The following TAOK3 variants were observed in gnomAD, a reference collection of about 807,000 sequenced individuals.
The protein encoded by TAOK3 is serine/threonine-protein kinase TAO3.
In TAOK3, 40 loss-of-function variants were observed where a neutral mutation model predicts 120.4. That is an observed-to-expected ratio of 0.33 (90% CI 0.26 to 0.43). TAOK3 has a LOEUF of 0.43. TAOK3 is among the 20% of genes least tolerant of loss of function. The pLI is 1.00. For missense variants in TAOK3, 821 were observed against 1,112.1 expected (o/e 0.74, Z 3.72); for synonymous variants, 355 against 387.5 (o/e 0.92, Z 0.99).
At chr12:118,164,275 C>A (rs1276105077) in intron 17 of TAOK3, among the ~76,000 whole-genome samples, 1 of 150,524 alleles carries the variant, frequency 6.6e-6, no homozygotes, top group Non-Finnish European at 1.5e-5. Context: ...TGCAGGGAGC[C>A]AAGATCGCGC....
intron 19 of TAOK3, among the ~76,000 whole-genome samples, chr12:118,157,256 C>T (rs1260137826): frequency 6.6e-6 from 1 of 152,158 alleles, no homozygotes; most frequent in African/African-American, 2.4e-5. Flanking sequence ...TCCATTCTTC[C>T]CATCTCCCAG....
chr12:118,309,500 C>T (rs567031912), intron 1 of TAOK3, among the ~76,000 whole-genome samples: 30 of 151,834 alleles, frequency 2.0e-4, no homozygotes, highest in African/African-American at 7.0e-4. Flanking sequence ...CCCTTCTTGG[C>T]TCAAATGGTG....
At chr12:118,343,380 T>C (rs186890531) in intron 1 of TAOK3, among the ~76,000 whole-genome samples, 2 of 151,274 alleles carry the variant, frequency 1.3e-5, no homozygotes, top group African/African-American at 4.9e-5. Context: ...TGAGCTCAGA[T>C]TGTGCCATTG....
Position 118,163,449 on chromosome 12 carries a change from G to T in TAOK3, c.1900-1422C>A, listed in dbSNP as rs60818913. 5.9e-4 allele frequency among the ~76,000 whole-genome samples: 27 copies of T among 45,840 alleles called. 1 individual carries two copies. Among genetic ancestry groups the T allele is most frequent in the Admixed American group, 9.8e-4 (4 of 4,082 alleles). The allele number at this position is 45,840 out of a possible 152,430, so 30.1% of individuals were successfully genotyped here. ...TAATACAGGGACATACTTTTTTTTT[G>T]GGGGGGGTGGGGGTAGAGATGGGGT... On this transcript the variant is annotated intron_variant, in intron 17 of 20. Coordinates refer to ENST00000392533, the MANE Select transcript of TAOK3 (RefSeq NM_016281.4).
chr12:118,274,900 C>T (rs182590487), intron 1 of TAOK3, among the ~76,000 whole-genome samples: 90 of 151,728 alleles, frequency 5.9e-4, no homozygotes, highest in African/African-American at 1.5e-3. Flanking sequence ...TAAGCCACCA[C>T]GCCCAGCAAC....
chr12:118,221,223 CT>C (rs371667767), intron 9 of TAOK3, among the ~76,000 whole-genome samples: 6 of 149,948 alleles, frequency 4.0e-5, no homozygotes, highest in Non-Finnish European at 7.4e-5. Flanking sequence ...GTTTTCTTTT[CT>C]TTTTTTTTTC....
At chr12:118,339,568 G>T in intron 1 of TAOK3, among the ~76,000 whole-genome samples, 1 of 147,776 alleles carries the variant, frequency 6.8e-6, no homozygotes, top group Admixed American at 6.8e-5. Context: ...CATTTTAGTT[G>T]CTCTTTTTTT....
At chr12:118,357,969 T>G (rs1457219441) in intron 1 of TAOK3, among the ~76,000 whole-genome samples, 1 of 152,218 alleles carries the variant, frequency 6.6e-6, no homozygotes, top group African/African-American at 2.4e-5. Flanking sequence ...AAACATCCTA[T>G]GCATAATTAT....
chr12:118,311,740 T>C (rs558058358), intron 1 of TAOK3, among the ~76,000 whole-genome samples: 87 of 152,264 alleles, frequency 5.7e-4, no homozygotes, highest in South Asian at 3.7e-3. Context: ...ATAAAAGTTG[T>C]CATATAGCAA....
chr12:118,342,660 T>G (rs1327711954), intron 1 of TAOK3, among the ~76,000 whole-genome samples: 5 of 152,264 alleles, frequency 3.3e-5, no homozygotes, highest in African/African-American at 1.2e-4. Flanking sequence ...TCATCTGGGC[T>G]CTACAGCTCA....
chr12:118,172,341 G>A, intron 17 of TAOK3, 116 bp downstream of exon 17: 1 of 1,109,148 alleles, frequency 9.0e-7, no homozygotes. Context: ...TAGCCACTGT[G>A]CTAAAAGGCT....
At chr12:118,215,783 T>C (rs1171586583) in intron 9 of TAOK3, among the ~76,000 whole-genome samples, 2 of 152,132 alleles carry the variant, frequency 1.3e-5, no homozygotes, top group Non-Finnish European at 2.9e-5. Flanking sequence ...TGGAGTGCAG[T>C]GGCACAATCA....
chr12:118,330,036 G>T (rs2044079350), intron 1 of TAOK3, among the ~76,000 whole-genome samples: 1 of 152,088 alleles, frequency 6.6e-6, no homozygotes, highest in Non-Finnish European at 1.5e-5. Context: ...TCAATATTTT[G>T]GAGGAAAAAT....
intron 1 of TAOK3, among the ~76,000 whole-genome samples, chr12:118,288,718 C>T (rs1397580968): frequency 6.7e-6 from 1 of 149,240 alleles, no homozygotes; most frequent in Non-Finnish European, 1.5e-5. Context: ...GCATTCAAGA[C>T]CAGCCTGGGC....
intron 11 of TAOK3, 131 bp from the exon 12 acceptor site, chr12:118,201,594 T>C: frequency 1.3e-6 from 1 of 761,376 alleles, no homozygotes; most frequent in Non-Finnish European, 1.9e-6. Flanking sequence ...AAATATGATT[T>C]TCATGTCATG....
intron 17 of TAOK3, among the ~76,000 whole-genome samples, chr12:118,164,007 C>T (rs904012676): frequency 2.0e-5 from 3 of 151,756 alleles, no homozygotes; most frequent in South Asian, 2.1e-4. Flanking sequence ...CCACCGTGCC[C>T]GACCTAGCAG....
intron 1 of TAOK3, among the ~76,000 whole-genome samples, chr12:118,304,161 G>C (rs1031126455): frequency 6.6e-6 from 1 of 152,162 alleles, no homozygotes; most frequent in Non-Finnish European, 1.5e-5. Context: ...TTTTTCAGAA[G>C]AAATTCTTTT....
intron 11 of TAOK3, 86 bp downstream of exon 11, chr12:118,212,828 G>A (rs2038699448): frequency 1.1e-6 from 1 of 929,294 alleles, no homozygotes; most frequent in African/African-American, 1.7e-5. Context: ...ACTTTGTCAT[G>A]ATGAGCTGCC....
intron 1 of TAOK3, among the ~76,000 whole-genome samples, chr12:118,359,964 C>A (rs146161751): frequency 6.6e-6 from 1 of 151,978 alleles, no homozygotes; most frequent in Non-Finnish European, 1.5e-5. Context: ...CTAAGATGCG[C>A]GATTATTAAG....
Sources: allele counts gnomAD v4.1 joint callset (sites outside exome capture counted in the v4.1 genomes callset), GRCh38; gene constraint gnomAD v4.1.1; transcripts MANE v1.5; gene names NCBI Gene and HGNC (gene_info 2026-07-23, HGNC 2026-07-21).